The following ERI1 variants were observed in gnomAD, a reference collection of about 807,000 sequenced individuals.
ERI1 encodes 3'-5' exoribonuclease 1.
A neutral mutation model predicts 39.7 loss-of-function variants in ERI1; 39 were observed. That is an observed-to-expected ratio of 0.98 (90% confidence interval 0.76 to 1.28). ERI1 has a LOEUF of 1.28. Ranked by LOEUF, ERI1 falls within the 50% of genes most tolerant of loss-of-function variation. ERI1 has a pLI of 0.00. For missense variants in ERI1, 581 were observed against 416.9 expected (o/e 1.39, Z -3.43); for synonymous variants, 204 against 149.6 (o/e 1.36, Z -2.65).
intron 1 of ERI1, among the ~76,000 whole-genome samples, chr8:9,006,047 A>G (rs1454932922): frequency 6.6e-6 from 1 of 152,232 alleles, no homozygotes; most frequent in Non-Finnish European, 1.5e-5. Context: ...TGATAGGTGG[A>G]TGTAGTTACT....
chr8:9,029,660 G>C, intron 6 of ERI1, 132 bp from the exon 7 acceptor site: 1 of 1,061,578 alleles, frequency 9.4e-7, no homozygotes, highest in Non-Finnish European at 1.4e-6. Context: ...ATTTGAGTGG[G>C]GGTATTGCCC....
chr8:9,011,565 A>G lies in ERI1; in HGVS notation c.311A>G (p.Lys104Arg), dbSNP rs1404495973. 1.9e-6 allele frequency: 3 copies of G among 1,610,832 alleles called. No homozygotes were observed. The highest frequency in any genetic ancestry group is 2.7e-5 in the African/African-American group (2 of 74,644). The change falls in exon 3 of 7, where the codon AAG (lysine) becomes AGG (arginine). Residue 104 changes from lysine (K) to arginine (R), a missense_variant. Coordinates refer to ENST00000250263, the MANE Select transcript of ERI1 (RefSeq NM_153332.4). ...ETRGVKDVLK[K>R]RLKNYYKKQK... is the part of the protein sequence containing the mutation. Reference sequence around the variant, plus strand: ...AGAGGAGTAAAGGATGTTCTAAAGAAGAGACTGAAAAACTATTATAAGAAG... The same window carrying G: ...AGAGGAGTAAAGGATGTTCTAAAGAGGAGACTGAAAAACTATTATAAGAAG...
At chr8:9,047,853 G>T (rs1585259042) in intron 3 of ERI1, among the ~76,000 whole-genome samples, 1 of 152,184 alleles carries the variant, frequency 6.6e-6, no homozygotes, top group East Asian at 1.9e-4. Flanking sequence ...CGTTCACGCT[G>T]TGTGTTGGGG....
chr8:9,005,470 G>C (rs895962719), intron 1 of ERI1, among the ~76,000 whole-genome samples: 1 of 149,938 alleles, frequency 6.7e-6, no homozygotes. Flanking sequence ...TTTTGTAAAA[G>C]AAAATTTGTA....
intron 3 of ERI1, 74 bp from the exon 4 acceptor site, chr8:9,016,248 G>A (rs1817269457): frequency 1.2e-6 from 1 of 828,096 alleles, no homozygotes; most frequent in Non-Finnish European, 1.9e-6. Context: ...CTGCTGTGAT[G>A]AATTCGTCGT....
rs139484248 is a variant in ERI1, at chr8:9,016,378, C to T, written c.555C>T (p.Phe185=). 277 of 1,606,810 alleles carry T rather than the reference C, an allele frequency of 1.7e-4. 1 individual carries two copies. The African/African-American group carries it at 3.2e-3, about 19-fold the overall frequency. The change falls in exon 4 of 7, where the codon TTC becomes TTT. Residue 185 remains phenylalanine (F), a synonymous_variant. Coordinates refer to ENST00000250263, the MANE Select transcript of ERI1 (RefSeq NM_153332.4). ...RPEINTQLSD[F]CISLTGITQD... ...AGATTAACACACAGCTGTCTGATTT[C>T]TGCATCAGTCTAACTGGAATTACTC...
At chr8:9,022,516 C>T (rs1023006493) in intron 6 of ERI1, among the ~76,000 whole-genome samples, 37 of 152,148 alleles carry the variant, frequency 2.4e-4, no homozygotes, top group African/African-American at 8.5e-4. Flanking sequence ...TCTCCTGTCT[C>T]AGCATCCCGA....
At chr8:9,004,114 G>A in intron 1 of ERI1, 2 of 1,289,250 alleles carry the variant, frequency 1.6e-6, no homozygotes, top group South Asian at 1.2e-5. Context: ...TGGAAAGAAG[G>A]TCTCGTTAAG....
intron 2 of ERI1, among the ~76,000 whole-genome samples, chr8:9,010,376 C>G (rs1816535710): frequency 6.6e-6 from 1 of 152,154 alleles, no homozygotes; most frequent in Non-Finnish European, 1.5e-5. Context: ...AGAGGTCACT[C>G]ACAGTGCCTT....
rs114783927 is a variant in ERI1, at chr8:9,052,807, C to T, written n.299+32343C>T. On this transcript the variant is annotated intron_variant and non_coding_transcript_variant, in intron 3 of 3. Coordinates refer to the ERI1 transcript ENST00000518663. Reference sequence around the variant, plus strand: ...CGAATGTCTGTTGTTATACATGAATCCTTTCTGATCATAACTAAGTTTATG... The same window carrying T: ...CGAATGTCTGTTGTTATACATGAATTCTTTCTGATCATAACTAAGTTTATG... 2.8e-3 allele frequency among the ~76,000 whole-genome samples: 421 copies of T among 152,224 alleles called. 1 individual carries two copies. The highest frequency in any genetic ancestry group is 9.6e-3 in the African/African-American group (399 of 41,526).
At chr8:9,072,142 A>T (rs1200669253) in intron 3 of ERI1, among the ~76,000 whole-genome samples, 1 of 152,166 alleles carries the variant, frequency 6.6e-6, no homozygotes, top group Non-Finnish European at 1.5e-5. Context: ...ACCATGATTT[A>T]GTTTTCCTGT....
At chr8:9,035,180 C>G (rs188108247), downstream of ERI1, among the ~76,000 whole-genome samples, 2 of 152,280 alleles carry the variant, frequency 1.3e-5, no homozygotes, top group East Asian at 3.9e-4. Flanking sequence ...AGCAAGTTAT[C>G]TAGCTAAGAT....
chr8:9,016,487 T>G (rs1817302581), intron 4 of ERI1, 82 bp downstream of exon 4: 2 of 765,716 alleles, frequency 2.6e-6, no homozygotes, highest in Non-Finnish European at 4.1e-6. Flanking sequence ...TTTAAAAAAA[T>G]TATTACTGTT....
At chr8:9,014,256 A>C (rs554912302) in intron 3 of ERI1, among the ~76,000 whole-genome samples, 1 of 152,304 alleles carries the variant, frequency 6.6e-6, no homozygotes, top group Admixed American at 6.5e-5. Context: ...CTTTAGCTCC[A>C]GTTTTCTTAG....
At chr8:9,021,265 T>G (rs775396234) in intron 6 of ERI1, among the ~76,000 whole-genome samples, 1 of 152,204 alleles carries the variant, frequency 6.6e-6, no homozygotes, top group Non-Finnish European at 1.5e-5. Context: ...TCAGGTAGTC[T>G]GTCAGGTTTT....
intron 3 of ERI1, among the ~76,000 whole-genome samples, chr8:9,060,532 G>A (rs1192189689): frequency 1.3e-5 from 2 of 152,150 alleles, no homozygotes; most frequent in African/African-American, 4.8e-5. Context: ...TTCCATGATG[G>A]AAAGGAAATG....
intron 6 of ERI1, among the ~76,000 whole-genome samples, chr8:9,023,016 C>G (rs1258150675): frequency 6.6e-6 from 1 of 152,108 alleles, no homozygotes; most frequent in East Asian, 1.9e-4. Context: ...AGCAGTAATT[C>G]CTTCATCAAA....
intron 6 of ERI1, among the ~76,000 whole-genome samples, chr8:9,022,617 C>T (rs540798362): frequency 6.6e-6 from 1 of 152,234 alleles, no homozygotes; most frequent in African/African-American, 2.4e-5. Flanking sequence ...TGAGGCTGGT[C>T]TCGAACTCCT....
At chr8:9,083,944 C>T (rs978265552) in intron 3 of ERI1, among the ~76,000 whole-genome samples, 1 of 152,146 alleles carries the variant, frequency 6.6e-6, no homozygotes, top group Non-Finnish European at 1.5e-5. Flanking sequence ...TAGGCACCTG[C>T]CACCATGCCC....
Sources: gnomAD v4.1 joint callset for allele counts (sites outside exome capture counted in the v4.1 genomes callset) on GRCh38, gnomAD v4.1.1 for gene constraint, MANE v1.5 for transcripts, NCBI Gene and HGNC (gene_info 2026-07-23, HGNC 2026-07-21) for gene names.